SPATA6: variants seen among roughly 807,000 people sequenced by gnomAD.
SPATA6 encodes the protein spermatogenesis-associated protein 6.
In SPATA6, 56 loss-of-function variants were observed where a neutral mutation model predicts 65.3. That is an observed-to-expected ratio of 0.86 (90% CI 0.69 to 1.07). The LOEUF (loss-of-function observed/expected upper bound fraction) is 1.07, where lower values mean the gene tolerates loss of function less well. SPATA6 is among the 50% of genes least tolerant of loss of function. The probability of loss-of-function intolerance (pLI) is 0.00; values close to 1 mark genes in which losing one functional copy is unlikely to be tolerated. For synonymous variants in SPATA6, 199 were observed against 213.2 expected (o/e 0.93, Z 0.58); for missense variants, 590 against 594.8 (o/e 0.99, Z 0.08).
intron 2 of SPATA6, among the ~76,000 whole-genome samples, chr1:48,452,619 G>A (rs2148157541): frequency 6.6e-6 from 1 of 152,166 alleles, no homozygotes; most frequent in East Asian, 1.9e-4. Flanking sequence ...CCTGACCTCA[G>A]GTGATCCACC....
chr1:48,423,394 T>G (rs955083534), intron 3 of SPATA6, among the ~76,000 whole-genome samples: 2 of 149,936 alleles, frequency 1.3e-5, no homozygotes, highest in Non-Finnish European at 3.0e-5. Flanking sequence ...AGGTGGAGGT[T>G]GCCTTGAGCA....
intron 11 of SPATA6, among the ~76,000 whole-genome samples, chr1:48,308,806 C>A (rs1645126179): frequency 6.6e-6 from 1 of 152,118 alleles, no homozygotes; most frequent in Non-Finnish European, 1.5e-5. Context: ...AGTTTTAAAT[C>A]TTATTGAGGA....
In SPATA6 at chr1:48,298,888, C is replaced by T; in HGVS notation, c.1292G>A (p.Cys431Tyr). The change falls in exon 13 of 13, where the codon TGT becomes TAT. Residue 431 changes from cysteine (C) to tyrosine (Y), a missense_variant. Transcript: ENST00000371847. ...ATGGAAAGTGCCACGTGGCTGCTGA[C>T]ATGAGCTATAAAAAGGGATATAAAA... ...AYDSDPEYSSCQQPRGTFHLD... is the reference protein window; with the variant it reads ...AYDSDPEYSSYQQPRGTFHLD... 15 of 1,612,212 alleles carry T rather than the reference C, an allele frequency of 9.3e-6. No individual in the cohort carries two copies. The highest frequency in any genetic ancestry group is 1.1e-5 in the Non-Finnish European group (13 of 1,179,384).
intron 9 of SPATA6, among the ~76,000 whole-genome samples, chr1:48,381,113 G>A (rs1648522912): frequency 6.6e-6 from 1 of 152,144 alleles, no homozygotes; most frequent in African/African-American, 2.4e-5. Flanking sequence ...TCTGACAGGA[G>A]GTGGAGCTCA....
chr1:48,303,270 T>C (rs900632686), intron 12 of SPATA6, among the ~76,000 whole-genome samples: 2 of 152,208 alleles, frequency 1.3e-5, no homozygotes, highest in African/African-American at 4.8e-5. Flanking sequence ...CTTCTTTGTA[T>C]TGGAAACATT....
At chr1:48,466,267 A>G (rs1399348541) in intron 1 of SPATA6, among the ~76,000 whole-genome samples, 2 of 152,180 alleles carry the variant, frequency 1.3e-5, no homozygotes, top group South Asian at 4.1e-4. Context: ...ATACCATTTT[A>G]TACTAATGAA....
intron 3 of SPATA6, among the ~76,000 whole-genome samples, chr1:48,449,233 A>C (rs1656338881): frequency 6.6e-6 from 1 of 152,198 alleles, no homozygotes; most frequent in African/African-American, 2.4e-5. Context: ...CTAAGGAAAA[A>C]ATGGATCTCA....
At chr1:48,432,341 A>G (rs929850501) in intron 3 of SPATA6, among the ~76,000 whole-genome samples, 1 of 152,170 alleles carries the variant, frequency 6.6e-6, no homozygotes, top group Non-Finnish European at 1.5e-5. Context: ...GGCAGTTATC[A>G]ATGCAGTAAA....
chr1:48,363,585 T>C (rs577642843), intron 9 of SPATA6, among the ~76,000 whole-genome samples: 21 of 152,098 alleles, frequency 1.4e-4, no homozygotes, highest in Non-Finnish European at 2.5e-4. Flanking sequence ...CATTTATACT[T>C]CAGCATAAAA....
At chr1:48,287,269 T>A in the SPATA6 span, among the ~76,000 whole-genome samples, 3 of 152,190 alleles carry the variant, frequency 2.0e-5, no homozygotes, top group South Asian at 6.2e-4. Flanking sequence ...ACAGGGATAG[T>A]GCCATGAGGG....
intron 3 of SPATA6, among the ~76,000 whole-genome samples, chr1:48,423,262 G>C (rs1653517356): frequency 6.6e-6 from 1 of 151,840 alleles, no homozygotes; most frequent in Non-Finnish European, 1.5e-5. Context: ...TTCAAGACCA[G>C]CCTGACCAAC....
intron 9 of SPATA6, among the ~76,000 whole-genome samples, chr1:48,364,753 G>C (rs935854795): frequency 3.3e-5 from 5 of 152,144 alleles, no homozygotes; most frequent in Non-Finnish European, 7.4e-5. Context: ...TAGGTTGCCT[G>C]TTCACTCTGA....
chr1:48,443,967 A>C (rs1226968923), intron 3 of SPATA6, among the ~76,000 whole-genome samples: 1 of 152,202 alleles, frequency 6.6e-6, no homozygotes, highest in African/African-American at 2.4e-5. Context: ...TGACTGGCCT[A>C]AAGAGCTTCC....
intron 1 of SPATA6, among the ~76,000 whole-genome samples, chr1:48,462,644 T>G (rs1657533345): frequency 6.6e-6 from 1 of 152,154 alleles, no homozygotes; most frequent in Non-Finnish European, 1.5e-5. Flanking sequence ...GAGCCATACA[T>G]CCAACAAATG....
At chr1:48,270,638 C>A in the SPATA6 span, among the ~76,000 whole-genome samples, 1 of 151,580 alleles carries the variant, frequency 6.6e-6, no homozygotes, top group Non-Finnish European at 1.5e-5. Context: ...TGTAAATTAC[C>A]GAGTACAGAT....
chr1:48,308,655 T>C (rs904167526), intron 11 of SPATA6, among the ~76,000 whole-genome samples: 18 of 152,106 alleles, frequency 1.2e-4, no homozygotes, highest in Non-Finnish European at 2.6e-4. Context: ...ATAAACTTGG[T>C]TTTATTTGAG....
intron 9 of SPATA6, among the ~76,000 whole-genome samples, chr1:48,382,629 ACCCCCC>A (rs1158594255): frequency 3.9e-4 from 2 of 5,148 alleles, no homozygotes; most frequent in African/African-American, 5.7e-4. Context: ...CGGCTGGCCG[ACCCCCC>A]CCCCCCCGCC....
Position 48,353,140 on chromosome 1 carries a change from A to C in SPATA6, c.1194+2530T>G, listed in dbSNP as rs1646558828. Among the ~76,000 whole-genome samples the C allele has an allele frequency of 4.6e-5, 7 of 152,070 alleles. 1 individual carries two copies. The South Asian group carries it at 1.4e-3, about 31-fold the overall frequency. ...ATAATATGTGATTAAAATAAGTGTT[A>C]CTAGATGAACAAAAATAATTTCTTG... On this transcript the variant is annotated intron_variant, in intron 11 of 12. Transcript: ENST00000371847.
intron 11 of SPATA6, among the ~76,000 whole-genome samples, chr1:48,338,452 CGATACTTAAGA>C (rs1646120800): frequency 6.6e-6 from 1 of 151,804 alleles, no homozygotes; most frequent in Admixed American, 6.6e-5. Flanking sequence ...TGCTATCTCA[CGATACTTAAGA>C]GATAAGGATC....
Sources: gnomAD v4.1 joint callset for allele counts (sites outside exome capture counted in the v4.1 genomes callset) on GRCh38, gnomAD v4.1.1 for gene constraint, MANE v1.5 for transcripts, NCBI Gene and HGNC (gene_info 2026-07-23, HGNC 2026-07-21) for gene names.